The following FRMPD3 variants were observed in gnomAD, a reference collection of about 807,000 sequenced individuals.
FRMPD3 encodes FERM and PDZ domain-containing protein 3.
Under a neutral mutation model 97.9 loss-of-function variants are expected in FRMPD3, and 42 were observed. The observed-to-expected ratio is 0.43, with a 90% CI of 0.34 to 0.55. The LOEUF (loss-of-function observed/expected upper bound fraction) is 0.55, where lower values mean the gene tolerates loss of function less well. Among genes scored for constraint, FRMPD3 ranks in the 20% least tolerant of loss-of-function variants. The pLI is 0.03. For missense variants in FRMPD3, 1,303 were observed against 1,457.7 expected, an observed-to-expected ratio of 0.89 and a Z score of 1.73; for synonymous variants, 577 against 581.1, an observed-to-expected ratio of 0.99 and a Z score of 0.10.
chrX:107,476,584 T>A (rs1345665295), intron 1 of FRMPD3, among the ~76,000 whole-genome samples: 6 of 112,216 alleles, frequency 5.3e-5, no homozygotes, highest in African/African-American at 1.9e-4. Context: ...TCAGACAGGA[T>A]CCTCACATTG....
intron 11 of FRMPD3, among the ~76,000 whole-genome samples, chrX:107,564,346 G>A (rs898014480): frequency 8.9e-6 from 1 of 112,718 alleles, no homozygotes; most frequent in East Asian, 2.8e-4. Flanking sequence ...TAACGAGGGA[G>A]GCTGCCATGA....
intron 11 of FRMPD3, among the ~76,000 whole-genome samples, chrX:107,564,162 C>T (rs1922500757): frequency 8.9e-6 from 1 of 111,814 alleles, no homozygotes; most frequent in South Asian, 3.8e-4. Flanking sequence ...GGAATCCAGT[C>T]CTTCAGGCCG....
At position 107,603,491 on chromosome X, in the gene FRMPD3, C is replaced by T. The variant is rs1236236811; in HGVS notation, c.*118C>T. ...GCTGGGCCAGTCAGGGTCCAAGAGCCCATCAGTCTCCGGGGAGTGGAAACT... is the reference window on the plus strand; with the variant it reads ...GCTGGGCCAGTCAGGGTCCAAGAGCTCATCAGTCTCCGGGGAGTGGAAACT... On this transcript the variant is annotated 3_prime_UTR_variant, in exon 15 of 15. Coordinates refer to ENST00000683843, the MANE Select transcript of FRMPD3 (RefSeq NM_001388459.1). 2 of 1,083,595 alleles carry T rather than the reference C, an allele frequency of 1.8e-6. No homozygotes were observed. The highest frequency in any genetic ancestry group is 3.8e-5 in the African/African-American group (2 of 52,884). 89.3% of individuals were successfully genotyped at this position (1,083,595 alleles called of 1,213,427 possible).
At chrX:107,453,824 CAG>C (rs2147885057) in intron 1 of FRMPD3, among the ~76,000 whole-genome samples, 1 of 112,092 alleles carries the variant, frequency 8.9e-6, no homozygotes, top group Non-Finnish European at 1.9e-5. Flanking sequence ...ATCCTTAAAA[CAG>C]AACATTAACA....
intron 1 of FRMPD3, among the ~76,000 whole-genome samples, chrX:107,512,290 T>C (rs1922187858): frequency 9.0e-6 from 1 of 111,346 alleles, no homozygotes; most frequent in Admixed American, 9.5e-5. Context: ...AGACTGTCAT[T>C]ACCATGTGGC....
intron 1 of FRMPD3, among the ~76,000 whole-genome samples, chrX:107,524,363 C>T (rs1297419365): frequency 1.8e-5 from 2 of 112,010 alleles, no homozygotes; most frequent in African/African-American, 6.5e-5. Context: ...GACCATTTAT[C>T]TTAGTGGTGT....
intron 13 of FRMPD3, among the ~76,000 whole-genome samples, chrX:107,577,672 G>C (rs1923191718): frequency 1.8e-5 from 2 of 110,085 alleles, no homozygotes; most frequent in African/African-American, 3.3e-5. Flanking sequence ...CAAACAAACA[G>C]TAGTCAGATC....
chrX:107,581,279 T>C (rs1052812293), intron 13 of FRMPD3, among the ~76,000 whole-genome samples: 2 of 110,317 alleles, frequency 1.8e-5, no homozygotes, highest in African/African-American at 6.6e-5. Flanking sequence ...CGGCTAATTT[T>C]TTGATATTTT....
At chrX:107,520,162 G>T in intron 1 of FRMPD3, among the ~76,000 whole-genome samples, 1 of 111,093 alleles carries the variant, frequency 9.0e-6, no homozygotes, top group Admixed American at 9.6e-5. Context: ...TCACATATGG[G>T]AGGGTGGGCT....
Position 107,538,564 on chromosome X carries a change from A to C in FRMPD3, c.297+5014A>C, listed in dbSNP as rs914319401. Among the ~76,000 whole-genome samples the C allele has an allele frequency of 4.7e-3, 494 of 104,149 alleles. 1 individual carries two copies. The highest frequency in any genetic ancestry group is 7.6e-3 in the Non-Finnish European group (392 of 51,762). The allele number at this position is 104,149 out of a possible 115,157, so 90.4% of individuals were successfully genotyped here. A position where few individuals can be genotyped will look rare whatever the true frequency, so the allele number is the denominator to read the frequency against. On this transcript the variant is annotated intron_variant, in intron 4 of 14. Transcript: ENST00000683843. ...TTAAAAAAAAAAAAAAAAAAAAAAA[A>C]ACCACTGGACCAGACAATCTGCAAG...
At chrX:107,554,630 C>T (rs1922002248) in intron 8 of FRMPD3, 126 bp downstream of exon 8, 2 of 902,454 alleles carry the variant, frequency 2.2e-6, no homozygotes, top group African/African-American at 2.0e-5. Context: ...AGGCCCTTTC[C>T]TTCCTTTTCT....
At chrX:107,452,761 G>C (rs993716212) in intron 1 of FRMPD3, among the ~76,000 whole-genome samples, 1 of 111,664 alleles carries the variant, frequency 9.0e-6, no homozygotes, top group African/African-American at 3.3e-5. Flanking sequence ...GGTGCAGTCC[G>C]AGGGTCTTGA....
intron 1 of FRMPD3, chrX:107,525,739 A>T: frequency 1.9e-6 from 1 of 534,954 alleles, no homozygotes; most frequent in Non-Finnish European, 3.4e-6. Context: ...TACTTAAATC[A>T]TTTATTTTTG....
intron 1 of FRMPD3, among the ~76,000 whole-genome samples, chrX:107,462,021 A>T (rs186170576): frequency 7.4e-4 from 81 of 109,315 alleles, no homozygotes; most frequent in Non-Finnish European, 1.4e-3. Flanking sequence ...CGTATCCTCT[A>T]ACCAACAAGC....
chrX:107,576,468 C>T lies in FRMPD3; in HGVS notation c.1441+9C>T. On this transcript the variant is annotated intron_variant, in intron 13 of 14. Transcript: ENST00000683843. ...TCCAATGATCAAGGCAGGTAGGGCT[C>T]AACCTCGGTTGGTTTTTGCTGTGCC... 8.3e-7 allele frequency: 1 copy of T among 1,208,524 alleles called. No individual in the cohort carries two copies. Among genetic ancestry groups the T allele is most frequent in the Non-Finnish European group, 1.1e-6 (1 of 894,481 alleles).
At chrX:107,571,390 A>G (rs1407984043) in intron 12 of FRMPD3, among the ~76,000 whole-genome samples, 2 of 110,988 alleles carry the variant, frequency 1.8e-5, no homozygotes, top group Non-Finnish European at 3.8e-5. Flanking sequence ...CAAAAATTTC[A>G]TTTTTCTCTT....
In FRMPD3 at chrX:107,602,792, TATGGCCTCCCTG is replaced by T. The variant is rs1196875211; in HGVS notation, c.4759_4770del (p.Leu1587_Gly1590del). ...GATCAATGCCCTGCGGGCCCATGCCTATGGCCTCCCTGATGGCTTCCTGGCTGCCCGGCTGGA... is the reference window on the plus strand; with the variant it reads ...GATCAATGCCCTGCGGGCCCATGCCTATGGCTTCCTGGCTGCCCGGCTGGA... On this transcript the variant is annotated inframe_deletion, in exon 15 of 15. Transcript: ENST00000683843. 1 of 1,210,091 alleles carries T rather than the reference TATGGCCTCCCTG, an allele frequency of 8.3e-7. No individual in the cohort carries two copies.
chrX:107,549,212 A>G (rs1175854297), intron 5 of FRMPD3, among the ~76,000 whole-genome samples: 1 of 110,151 alleles, frequency 9.1e-6, no homozygotes, highest in Non-Finnish European at 1.9e-5. Context: ...CCCAGCTACT[A>G]CTAGAGAGGC....
rs1923117319 is a variant in FRMPD3, at chrX:107,576,390, C to T, written c.1372C>T (p.Leu458=). The stretch of plus-strand genomic sequence containing the variant: ...GATCGCGGGGTACTGCCGCCTCTTG[C>T]TGGATTCCAGGAAGATGGTCTTCTC... ...CLIAGYCRLL[L]DSRKMVFSRP... The change falls in exon 13 of 15, where the codon CTG becomes TTG. Residue 458 remains leucine (L), a synonymous_variant. Coordinates refer to ENST00000683843, the MANE Select transcript of FRMPD3 (RefSeq NM_001388459.1). The T allele has an allele frequency of 1.7e-6, 2 of 1,210,863 alleles. No homozygotes were observed. The highest frequency in any genetic ancestry group is 2.2e-6 in the Non-Finnish European group (2 of 895,328).
Sources: gnomAD v4.1 joint callset for allele counts (sites outside exome capture counted in the v4.1 genomes callset) on GRCh38, gnomAD v4.1.1 for gene constraint, MANE v1.5 for transcripts, NCBI Gene and HGNC (gene_info 2026-07-23, HGNC 2026-07-21) for gene names.